MRPS6: variants seen among roughly 807,000 people sequenced by gnomAD.
MRPS6 encodes the protein small ribosomal subunit protein bS6m.
A neutral mutation model predicts 13.1 loss-of-function variants in MRPS6; 6 were observed. The ratio of observed to expected loss-of-function variants is 0.46; its 90% confidence interval spans 0.25 to 0.91. The LOEUF (loss-of-function observed/expected upper bound fraction) is 0.91. Among genes scored for constraint, MRPS6 ranks in the 40% least tolerant of loss-of-function variants. The pLI is 0.18. For synonymous variants in MRPS6, 61 were observed against 56.5 expected (o/e 1.08, Z -0.36); for missense variants, 164 against 155.6 (o/e 1.05, Z -0.29).
intron 1 of MRPS6, chr21:34,122,362 C>T (rs779059648): frequency 1.8e-4 from 27 of 152,158 alleles, no homozygotes; most frequent in Admixed American, 9.2e-4. Flanking sequence ...GCTCCTCCTT[C>T]CACCTTTCGT....
chr21:34,109,509 A>G (rs1979614483), intron 1 of MRPS6, among the ~76,000 whole-genome samples: 1 of 152,260 alleles, frequency 6.6e-6, no homozygotes, highest in South Asian at 2.1e-4. Context: ...TTTTTCCTTA[A>G]TCTCTTTGGT....
chr21:34,099,384 T>G (rs1303710400), intron 1 of MRPS6: 1 of 1,000,154 alleles, frequency 1.0e-6, no homozygotes, highest in African/African-American at 1.7e-5. Context: ...TGGTTGTCAA[T>G]GTTTTGTCCT....
chr21:34,118,561 T>TTTC (rs1980010842), intron 1 of MRPS6, among the ~76,000 whole-genome samples: 1 of 110,098 alleles, frequency 9.1e-6, no homozygotes, highest in Admixed American at 7.8e-5. Context: ...TTCTTTCTTT[T>TTTC]TTTTTTTTTT....
At chr21:34,129,036 G>C (rs187541833) in intron 2 of MRPS6, among the ~76,000 whole-genome samples, 5 of 152,282 alleles carry the variant, frequency 3.3e-5, no homozygotes, top group African/African-American at 9.6e-5. Context: ...TGCTCACCCT[G>C]ACACCCTCAT....
intron 1 of MRPS6, among the ~76,000 whole-genome samples, chr21:34,121,949 A>C (rs1182272205): frequency 6.6e-6 from 1 of 152,146 alleles, no homozygotes; most frequent in Non-Finnish European, 1.5e-5. Flanking sequence ...AGCTCAACTG[A>C]TGGTATTCGT....
chr21:34,091,305 A>G (rs1978676127), intron 1 of MRPS6, among the ~76,000 whole-genome samples: 1 of 152,204 alleles, frequency 6.6e-6, no homozygotes, highest in Non-Finnish European at 1.5e-5. Context: ...AGCCCTGAGT[A>G]TAGGAGATAA....
At position 34,096,714 on chromosome 21, in the gene MRPS6, A is replaced by C; in HGVS notation, c.45+22969A>C. On this transcript the variant is annotated intron_variant, in intron 1 of 2. Transcript: ENST00000399312. This position sits in a 1 kb window ranked among gnomAD's most constrained non-coding sequence, Gnocchi z 5.9. ...CCAACCTGATAATAGGCCGGGCTTC[A>C]TCAAAGACATCCATTATATGTATGT... is the stretch of plus-strand genomic sequence containing the variant. The C allele has an allele frequency of 6.2e-7, 1 of 1,614,120 alleles. No individual in the cohort carries two copies. Among genetic ancestry groups the C allele is most frequent in the Non-Finnish European group, 8.5e-7 (1 of 1,179,990 alleles).
At chr21:34,104,317 G>A (rs1463009312) in intron 1 of MRPS6, 2 of 999,896 alleles carry the variant, frequency 2.0e-6, no homozygotes, top group African/African-American at 3.5e-5. Flanking sequence ...CTGTTAATGT[G>A]TGTGTAGAAG....
chr21:34,086,414 G>T (rs1978380144), intron 1 of MRPS6, among the ~76,000 whole-genome samples: 1 of 152,130 alleles, frequency 6.6e-6, no homozygotes, highest in Admixed American at 6.6e-5. Flanking sequence ...TAGCCTGGGT[G>T]CATTACTTCA....
At chr21:34,135,008 CTTTT>C (rs577293070) in intron 2 of MRPS6, among the ~76,000 whole-genome samples, 1 of 151,374 alleles carries the variant, frequency 6.6e-6, no homozygotes, top group Admixed American at 6.6e-5. Context: ...TGAGGAACAT[CTTTT>C]TTTTTAGACT....
At chr21:34,124,216 C>G (rs1288559462) in intron 1 of MRPS6, 1 of 152,248 alleles carries the variant, frequency 6.6e-6, no homozygotes, top group East Asian at 1.9e-4. Flanking sequence ...CCAGATTCAT[C>G]TCTTACTGTC....
chr21:34,125,325 A>C lies in MRPS6; in HGVS notation c.46-16A>C, dbSNP rs1168012107. ...ATGCTTTTTTTTCTTTTCTTTAAAA[A>C]CACAAACAAAAACAGCCAGAGACTG... is the stretch of plus-strand genomic sequence containing the variant. On this transcript the variant is annotated splice_polypyrimidine_tract_variant and intron_variant, in intron 1 of 2. Coordinates refer to ENST00000399312, the MANE Select transcript of MRPS6 (RefSeq NM_032476.4). The C allele has an allele frequency of 6.2e-7, 1 of 1,601,578 alleles. No individual in the cohort carries two copies. The highest frequency in any genetic ancestry group is 2.2e-5 in the East Asian group (1 of 44,810).
Position 34,125,478 on chromosome 21 carries a change from C to T in MRPS6, c.183C>T (p.Gly61=), listed in dbSNP as rs779997227. 2.7e-5 allele frequency: 44 copies of T among 1,612,606 alleles called. No homozygotes were observed. Among genetic ancestry groups the T allele is most frequent in the African/African-American group, 2.7e-4 (20 of 74,750 alleles). The change falls in exon 2 of 3, where the codon GGC becomes GGT. Residue 61 remains glycine (G), a splice_region_variant and synonymous_variant. Transcript: ENST00000399312. Reference sequence around the variant, plus strand: ...CCCACAGTCAGCAGCACAACAGAGGCGGGTAAGTTTCTTCATGAAGTCTTG... The same window carrying T: ...CCCACAGTCAGCAGCACAACAGAGGTGGGTAAGTTTCTTCATGAAGTCTTG... ...ISAHSQQHNR[G]GYFLVDFYAP...
chr21:34,080,964 T>G (rs1989445802), intron 1 of MRPS6, among the ~76,000 whole-genome samples: 1 of 152,234 alleles, frequency 6.6e-6, no homozygotes, highest in Non-Finnish European at 1.5e-5. Context: ...CAGGTAATCT[T>G]GTTTCCGTAA....
At chr21:34,142,379 G>C (rs1476698843) in intron 2 of MRPS6, 29 bp from the exon 3 acceptor site, 1 of 1,544,122 alleles carries the variant, frequency 6.5e-7, no homozygotes, top group East Asian at 2.3e-5. Flanking sequence ...TTCAAATGCA[G>C]ACACTCACAA....
intron 1 of MRPS6, among the ~76,000 whole-genome samples, chr21:34,110,825 A>T (rs1296022808): frequency 1.3e-5 from 2 of 152,202 alleles, no homozygotes; most frequent in Admixed American, 6.5e-5. Flanking sequence ...GCTAACAGTG[A>T]TAACATTGTG....
chr21:34,095,426 A>G, intron 1 of MRPS6: 1 of 1,614,052 alleles, frequency 6.2e-7, no homozygotes, highest in Non-Finnish European at 8.5e-7. Flanking sequence ...CTGCAAGTGG[A>G]TTTGCAGTGG....
intron 1 of MRPS6, among the ~76,000 whole-genome samples, chr21:34,113,938 C>T (rs2154505): frequency 0.056 from 8,492 of 152,208 alleles, 332 homozygotes; most frequent in Non-Finnish European, 0.083. Context: ...AAATATAAGG[C>T]GAAGGCAGGG....
rs1037272392 is a variant in MRPS6 at position 34,102,396 on chromosome 21, ACTT to A, written c.46-22941_46-22939del. 5.1e-5 allele frequency: 51 copies of A among 1,000,036 alleles called. No individual in the cohort carries two copies. In the African/African-American group the frequency reaches 8.4e-4, roughly 16 times the overall value. The allele number at this position is 1,000,036 out of a possible 1,614,324, so 61.9% of individuals were successfully genotyped here. On this transcript the variant is annotated intron_variant, in intron 1 of 2. Coordinates refer to ENST00000399312, the MANE Select transcript of MRPS6 (RefSeq NM_032476.4). ...AATTTCTGTTTCTGTTTCCATCTAA[ACTT>A]CTTTATAAAAAGAGGGATTAGTTTT...
Sources: gnomAD v4.1 joint callset for allele counts (sites outside exome capture counted in the v4.1 genomes callset) on GRCh38, gnomAD v4.1.1 for gene constraint, Gnocchi (gnomAD v3.1) non-coding constraint, MANE v1.5 for transcripts, NCBI Gene and HGNC (gene_info 2026-07-23, HGNC 2026-07-21) for gene names.